The following ERC2 variants were observed in gnomAD, a reference collection of about 807,000 sequenced individuals.
The protein encoded by ERC2 is ERC protein 2.
ERC2 carries 42 observed loss-of-function variants against 114.8 expected under a neutral mutation model. That is an observed-to-expected ratio of 0.37 (90% CI 0.29 to 0.47). The LOEUF is 0.47. Among genes scored for constraint, ERC2 ranks in the 20% least tolerant of loss-of-function variants. The pLI is 0.99. For synonymous variants in ERC2, 454 were observed against 425.5 expected (o/e 1.07, Z -0.82); for missense variants, 939 against 1,150.7 (o/e 0.82, Z 2.66).
chr3:55,648,043 A>G (rs1404251162), intron 17 of ERC2, among the ~76,000 whole-genome samples: 1 of 152,138 alleles, frequency 6.6e-6, no homozygotes, highest in African/African-American at 2.4e-5. Flanking sequence ...CAGCAAGACG[A>G]TGGGGCCATA....
intron 14 of ERC2, among the ~76,000 whole-genome samples, chr3:55,822,425 C>A (rs1441015015): frequency 6.6e-6 from 1 of 152,068 alleles, no homozygotes; most frequent in Non-Finnish European, 1.5e-5. Flanking sequence ...ATTAAATTAT[C>A]TTGTTTTATT....
intron 3 of ERC2, among the ~76,000 whole-genome samples, chr3:56,251,924 T>C (rs1196476905): frequency 6.6e-6 from 1 of 152,210 alleles, no homozygotes. Flanking sequence ...CTTGCCTCCA[T>C]ATTTTACACA....
At chr3:56,029,448 A>C (rs2074246097) in intron 7 of ERC2, among the ~76,000 whole-genome samples, 1 of 152,240 alleles carries the variant, frequency 6.6e-6, no homozygotes, top group African/African-American at 2.4e-5. Flanking sequence ...CAGTGAAGCC[A>C]TCAGGGCTTG....
intron 12 of ERC2, among the ~76,000 whole-genome samples, chr3:55,960,285 C>T (rs1461692081): frequency 6.6e-6 from 1 of 152,190 alleles, no homozygotes; most frequent in East Asian, 1.9e-4. Flanking sequence ...CCACACCATC[C>T]TCACCGTTAG....
rs369451798 is a variant in ERC2, at chr3:55,733,451, TTC to T, written c.2712+1318_2712+1319del. On this transcript the variant is annotated intron_variant, in intron 15 of 17. Coordinates refer to ENST00000288221, the MANE Select transcript of ERC2 (RefSeq NM_015576.3). ...TCTCTCTCATTCTCTCTGTCTCTCA[TTC>T]TCTCTCTCTCTCACACACACACACA... 1.0e-3 allele frequency among the ~76,000 whole-genome samples: 99 copies of T among 96,542 alleles called. 1 individual carries two copies. Among genetic ancestry groups the T allele is most frequent in the African/African-American group, 3.3e-3 (87 of 26,768 alleles). 63.3% of individuals were successfully genotyped at this position (96,542 alleles called of 152,430 possible). A position where few individuals can be genotyped will look rare whatever the true frequency, so the allele number is the denominator to read the frequency against.
chr3:55,851,048 T>C (rs996851809), intron 14 of ERC2, among the ~76,000 whole-genome samples: 4 of 152,138 alleles, frequency 2.6e-5, no homozygotes, highest in Admixed American at 2.6e-4. Context: ...CAGAAGTCCA[T>C]GCTCAAAATC....
chr3:56,213,773 G>T (rs575399558), intron 3 of ERC2, among the ~76,000 whole-genome samples: 1 of 152,294 alleles, frequency 6.6e-6, no homozygotes, highest in African/African-American at 2.4e-5. Flanking sequence ...CCCAGTAGGG[G>T]CAGACTGACA....
intron 11 of ERC2, among the ~76,000 whole-genome samples, chr3:55,986,690 G>A (rs371509971): frequency 1.5e-4 from 22 of 151,684 alleles, no homozygotes; most frequent in South Asian, 2.1e-4. Flanking sequence ...ACGAAGTTCC[G>A]ACTTCATTAC....
chr3:56,032,060 TC>T (rs1408166272), intron 7 of ERC2, among the ~76,000 whole-genome samples: 1 of 152,136 alleles, frequency 6.6e-6, no homozygotes, highest in Non-Finnish European at 1.5e-5. Flanking sequence ...GTCTGCCACC[TC>T]CCTCTTCTCT....
intron 17 of ERC2, among the ~76,000 whole-genome samples, chr3:55,525,874 G>A (rs1352475967): frequency 1.3e-5 from 2 of 152,200 alleles, no homozygotes; most frequent in Non-Finnish European, 2.9e-5. Context: ...ACAATTCCTT[G>A]GGTGGTGTCA....
intron 2 of ERC2, among the ~76,000 whole-genome samples, chr3:56,312,612 T>A (rs1312504330): frequency 6.6e-6 from 1 of 152,062 alleles, no homozygotes; most frequent in Admixed American, 6.6e-5. Flanking sequence ...ATGTATCAAT[T>A]TAAAAATAAT....
chr3:55,533,332 A>G lies in ERC2; in HGVS notation c.*40-22056T>C, dbSNP rs145088829. On this transcript the variant is annotated intron_variant, in intron 17 of 17. Coordinates refer to ENST00000288221, the MANE Select transcript of ERC2 (RefSeq NM_015576.3). ...TGACTAACCATTCTAACCAGGGCTC[A>G]TGACCGTTCAAAGGTTCCCTCATCT... Among the ~76,000 whole-genome samples the G allele has an allele frequency of 5.6e-3, 849 of 152,332 alleles. 2 individuals are homozygous for G. The highest frequency in any genetic ancestry group is 8.2e-3 in the Non-Finnish European group (561 of 68,034).
At chr3:55,885,424 A>C (rs73831805) in intron 14 of ERC2, among the ~76,000 whole-genome samples, 1,764 of 152,352 alleles carry the variant, frequency 0.012, 37 homozygotes, top group African/African-American at 0.04. Context: ...CCAGGGCAGA[A>C]GCCCACAGGT....
intron 3 of ERC2, among the ~76,000 whole-genome samples, chr3:56,181,243 A>G (rs2083271266): frequency 6.6e-6 from 1 of 152,226 alleles, no homozygotes; most frequent in Non-Finnish European, 1.5e-5. Flanking sequence ...TCTTCTTTCT[A>G]AAACATACTG....
At chr3:56,170,763 A>AT (rs71099618) in intron 4 of ERC2, among the ~76,000 whole-genome samples, 18,257 of 118,410 alleles carry the variant, frequency 0.15, 2,209 homozygotes, top group African/African-American at 0.31. Flanking sequence ...CACCTGGCTA[A>AT]TTTTTTTTTT....
chr3:55,663,270 C>T (rs2061215623), intron 17 of ERC2, among the ~76,000 whole-genome samples: 1 of 152,194 alleles, frequency 6.6e-6, no homozygotes, highest in Non-Finnish European at 1.5e-5. Flanking sequence ...CTACACAGCC[C>T]CTGGAATAAA....
At chr3:56,326,733 T>C (rs1338018524) in intron 2 of ERC2, among the ~76,000 whole-genome samples, 1 of 152,094 alleles carries the variant, frequency 6.6e-6, no homozygotes, top group Non-Finnish European at 1.5e-5. Context: ...CTCAGCAGAG[T>C]TGGTGGGCTG....
chr3:55,586,221 G>A (rs1383922085), intron 17 of ERC2, among the ~76,000 whole-genome samples: 5 of 152,310 alleles, frequency 3.3e-5, no homozygotes, highest in Admixed American at 1.3e-4. Context: ...TTTTCCCAAA[G>A]AGAGGTGGCC....
intron 7 of ERC2, among the ~76,000 whole-genome samples, chr3:56,072,636 A>G (rs1266322522): frequency 6.6e-6 from 1 of 152,210 alleles, no homozygotes; most frequent in African/African-American, 2.4e-5. Flanking sequence ...ACTAGATCAA[A>G]TGTATGAAAA....
Sources: gnomAD v4.1 joint callset for allele counts (sites outside exome capture counted in the v4.1 genomes callset) on GRCh38, gnomAD v4.1.1 for gene constraint, MANE v1.5 for transcripts, NCBI Gene and HGNC (gene_info 2026-07-23, HGNC 2026-07-21) for gene names.